The following PTPRN2 variants were observed in gnomAD, a reference collection of about 807,000 sequenced individuals.
PTPRN2 encodes protein tyrosine phosphatase receptor type N2.
Under a neutral mutation model 118.8 loss-of-function variants are expected in PTPRN2, and 74 were observed. That is an observed-to-expected ratio of 0.62 (90% confidence interval 0.52 to 0.76). PTPRN2 has a LOEUF of 0.76. PTPRN2 is among the 30% of genes least tolerant of loss of function. PTPRN2 has a pLI of 0.00. For missense variants in PTPRN2, 1,481 were observed against 1,394.4 expected, an observed-to-expected ratio of 1.06 and a Z score of -0.99; for synonymous variants, 641 against 608.0, an observed-to-expected ratio of 1.05 and a Z score of -0.80.
At chr7:157,718,611 A>T in intron 12 of PTPRN2, among the ~76,000 whole-genome samples, 1 of 150,574 alleles carries the variant, frequency 6.6e-6, no homozygotes, top group East Asian at 2.0e-4. Context: ...ATCTGAGGTG[A>T]CACTGCAGCC....
chr7:157,599,907 CTCTCCACCTGCCCA>C (rs1801566617), intron 16 of PTPRN2, among the ~76,000 whole-genome samples: 1 of 111,282 alleles, frequency 9.0e-6, no homozygotes, highest in African/African-American at 3.5e-5. Flanking sequence ...CCACCTGCCC[CTCTCCACCTGCCCA>C]CCTCTCCACC....
At chr7:157,797,311 C>T (rs761766314) in intron 12 of PTPRN2, among the ~76,000 whole-genome samples, 8 of 152,232 alleles carry the variant, frequency 5.3e-5, no homozygotes, top group Non-Finnish European at 8.8e-5. Context: ...GAGGAGAGTC[C>T]GGCCTTGTTG....
At chr7:158,208,733 A>G (rs1258854932) in intron 3 of PTPRN2, among the ~76,000 whole-genome samples, 1 of 152,082 alleles carries the variant, frequency 6.6e-6, no homozygotes, top group Non-Finnish European at 1.5e-5. Flanking sequence ...TGGTAATAGT[A>G]AGTACACAGA....
At chr7:157,980,218 G>A (rs1437523374) in intron 11 of PTPRN2, among the ~76,000 whole-genome samples, 1 of 152,178 alleles carries the variant, frequency 6.6e-6, no homozygotes, top group Non-Finnish European at 1.5e-5. Context: ...TTTTATGCAG[G>A]CTGAGATGCA....
chr7:158,174,460 T>C (rs79900991), intron 5 of PTPRN2, among the ~76,000 whole-genome samples: 3,122 of 151,338 alleles, frequency 0.021, 97 homozygotes, highest in African/African-American at 0.072. Flanking sequence ...CATCATCACC[T>C]CAACCATCAG....
chr7:157,585,945 T>C lies in PTPRN2; in HGVS notation c.2497-7805A>G, dbSNP rs192396957. Among the ~76,000 whole-genome samples, 17 of 152,346 alleles carry C rather than the reference T, an allele frequency of 1.1e-4. No homozygotes were observed. Among genetic ancestry groups the C allele is most frequent in the Non-Finnish European group, 2.2e-4 (15 of 68,036 alleles). Reference sequence around the variant, plus strand: ...AGAGACTGACCGACCATCTTTGCACTGTCCCAGGCAGAACCATGGACAAGC... The same window carrying C: ...AGAGACTGACCGACCATCTTTGCACCGTCCCAGGCAGAACCATGGACAAGC... On this transcript the variant is annotated intron_variant, in intron 17 of 22. Coordinates refer to ENST00000389418, the MANE Select transcript of PTPRN2 (RefSeq NM_002847.5). This position sits in a 1 kb window ranked among gnomAD's most constrained non-coding sequence, Gnocchi z 5.2.
At chr7:157,672,572 T>G (rs1455348092) in intron 13 of PTPRN2, among the ~76,000 whole-genome samples, 2 of 152,112 alleles carry the variant, frequency 1.3e-5, no homozygotes, top group Non-Finnish European at 2.9e-5. Flanking sequence ...CCAGGAAGAT[T>G]GCGTTATTGT....
intron 2 of PTPRN2, among the ~76,000 whole-genome samples, chr7:158,444,385 C>T (rs554214756): frequency 2.0e-4 from 30 of 152,386 alleles, no homozygotes; most frequent in South Asian, 6.2e-4. Flanking sequence ...TCCCCACCCA[C>T]GGCCAGTGTT....
chr7:158,136,791 C>T lies in PTPRN2; in HGVS notation c.1133-96G>A, dbSNP rs569957728. 248 of 1,170,752 alleles carry T rather than the reference C, an allele frequency of 2.1e-4. 1 individual carries two copies. Among genetic ancestry groups the T allele is most frequent in the East Asian group, 1.8e-3 (75 of 42,558 alleles). 72.5% of individuals were successfully genotyped at this position (1,170,752 alleles called of 1,614,324 possible). Reference sequence around the variant, plus strand: ...GGGTGACCCTGCAGACCCCTCCATACGAAAGGTGAGGTGTGATGACGCTGG... The same window carrying T: ...GGGTGACCCTGCAGACCCCTCCATATGAAAGGTGAGGTGTGATGACGCTGG... On this transcript the variant is annotated intron_variant, in intron 7 of 22. Coordinates refer to ENST00000389418, the MANE Select transcript of PTPRN2 (RefSeq NM_002847.5).
chr7:158,218,801 C>T (rs777210832), intron 3 of PTPRN2, among the ~76,000 whole-genome samples: 4 of 152,054 alleles, frequency 2.6e-5, no homozygotes, highest in Non-Finnish European at 5.9e-5. Context: ...TCAGATGAAG[C>T]AGATTTTAAA....
At chr7:157,672,730 A>G (rs991742240) in intron 13 of PTPRN2, among the ~76,000 whole-genome samples, 1 of 152,234 alleles carries the variant, frequency 6.6e-6, no homozygotes, top group African/African-American at 2.4e-5. Flanking sequence ...ATCACTTGTA[A>G]ACTCTTTTAA....
chr7:157,941,189 TGC>T (rs1800082914), intron 11 of PTPRN2, among the ~76,000 whole-genome samples: 1 of 32,138 alleles, frequency 3.1e-5, no homozygotes, highest in Non-Finnish European at 4.7e-5. Flanking sequence ...ACCACGACAC[TGC>T]AAATCTAACA....
chr7:158,085,363 A>T (rs1413220154), intron 10 of PTPRN2, among the ~76,000 whole-genome samples: 9 of 95,468 alleles, frequency 9.4e-5, no homozygotes, highest in Admixed American at 1.1e-4. Context: ...ATCCACACCC[A>T]CGACGCCCAT....
chr7:158,354,061 C>A (rs1457437906), intron 2 of PTPRN2, among the ~76,000 whole-genome samples: 1 of 152,250 alleles, frequency 6.6e-6, no homozygotes, highest in Admixed American at 6.5e-5. Context: ...AGCCTTCCCA[C>A]GTTATCAGGA....
intron 22 of PTPRN2, among the ~76,000 whole-genome samples, chr7:157,547,193 T>A (rs1798364441): frequency 6.6e-6 from 1 of 152,214 alleles, no homozygotes; most frequent in East Asian, 1.9e-4. Context: ...CACACCTGCC[T>A]GAGGTGGCTC....
At chr7:158,446,229 G>A (rs1257305900) in intron 2 of PTPRN2, among the ~76,000 whole-genome samples, 1 of 152,240 alleles carries the variant, frequency 6.6e-6, no homozygotes, top group Non-Finnish European at 1.5e-5. Flanking sequence ...GGGTGGGTGT[G>A]TGCCTGAATG....
chr7:158,187,449 G>T (rs963083491), intron 5 of PTPRN2, among the ~76,000 whole-genome samples: 3 of 152,148 alleles, frequency 2.0e-5, no homozygotes, highest in Non-Finnish European at 2.9e-5. Flanking sequence ...GAGGGGAGAA[G>T]CCGGGGCCCA....
At chr7:157,899,735 A>C (rs1357986760) in intron 11 of PTPRN2, among the ~76,000 whole-genome samples, 1 of 152,156 alleles carries the variant, frequency 6.6e-6, no homozygotes, top group Non-Finnish European at 1.5e-5. Flanking sequence ...GGGCCTCTCC[A>C]TTGTCTTATG....
At chr7:157,717,736 A>G (rs370496157) in intron 12 of PTPRN2, among the ~76,000 whole-genome samples, 12 of 152,362 alleles carry the variant, frequency 7.9e-5, no homozygotes, top group Admixed American at 4.6e-4. Context: ...CGGGGCACGC[A>G]GCAGGCACAT....
Sources: gnomAD v4.1 joint callset for allele counts (sites outside exome capture counted in the v4.1 genomes callset) on GRCh38, gnomAD v4.1.1 for gene constraint, Gnocchi (gnomAD v3.1) non-coding constraint, MANE v1.5 for transcripts, NCBI Gene and HGNC (gene_info 2026-07-23, HGNC 2026-07-21) for gene names.